The following DOCK4 variants were observed in gnomAD, a reference collection of about 807,000 sequenced individuals.
DOCK4 encodes the protein dedicator of cytokinesis 4.
In DOCK4, 97 loss-of-function variants were observed where a neutral mutation model predicts 268.1. That is an observed-to-expected ratio of 0.36 (90% confidence interval 0.31 to 0.43). DOCK4 has a LOEUF of 0.43. DOCK4 is among the 20% of genes least tolerant of loss of function. DOCK4 has a pLI of 1.00. For missense variants in DOCK4, 2,145 were observed against 2,455.7 expected (o/e 0.87, Z 2.67); for synonymous variants, 954 against 887.2 (o/e 1.08, Z -1.34).
intron 1 of DOCK4, among the ~76,000 whole-genome samples, chr7:112,142,852 G>C (rs940253919): frequency 1.3e-5 from 2 of 151,934 alleles, no homozygotes; most frequent in African/African-American, 4.8e-5. Context: ...TCTGCAACTT[G>C]CTTGTTTCCT....
intron 49 of DOCK4, among the ~76,000 whole-genome samples, chr7:111,737,825 G>A (rs1795609436): frequency 6.6e-6 from 1 of 152,146 alleles, no homozygotes; most frequent in South Asian, 2.1e-4. Flanking sequence ...AGAACAAACT[G>A]AGAAATTCCC....
intron 1 of DOCK4, among the ~76,000 whole-genome samples, chr7:112,043,524 T>A (rs535844697): frequency 6.6e-5 from 10 of 152,002 alleles, no homozygotes; most frequent in African/African-American, 2.4e-4. Context: ...CATAAAGCTA[T>A]TAATGGAGAG....
intron 1 of DOCK4, among the ~76,000 whole-genome samples, chr7:112,080,663 T>C (rs1378342802): frequency 6.6e-6 from 1 of 152,196 alleles, no homozygotes; most frequent in Non-Finnish European, 1.5e-5. Context: ...AGACAGACCT[T>C]ATGGTAGACT....
intron 1 of DOCK4, among the ~76,000 whole-genome samples, chr7:112,186,727 G>A (rs138810328): frequency 1.3e-4 from 20 of 152,088 alleles, no homozygotes; most frequent in African/African-American, 4.6e-4. Context: ...CACCCACAGA[G>A]AAACCACTGC....
intron 23 of DOCK4, among the ~76,000 whole-genome samples, chr7:111,860,720 A>T (rs1478093827): frequency 6.6e-6 from 1 of 152,100 alleles, no homozygotes; most frequent in African/African-American, 2.4e-5. Context: ...GGGTCTCATG[A>T]GTCCTTCCAT....
chr7:111,921,650 A>AC (rs1029754923), intron 12 of DOCK4, among the ~76,000 whole-genome samples: 5 of 152,122 alleles, frequency 3.3e-5, no homozygotes, highest in Non-Finnish European at 7.4e-5. Context: ...CTCAATGTTA[A>AC]CCTCTCTGTG....
chr7:111,825,463 A>G (rs985992033), intron 26 of DOCK4, among the ~76,000 whole-genome samples: 1 of 151,646 alleles, frequency 6.6e-6, no homozygotes, highest in African/African-American at 2.4e-5. Flanking sequence ...TTCACTAAAT[A>G]TGTGTTTTTG....
intron 6 of DOCK4, among the ~76,000 whole-genome samples, 182 bp downstream of exon 6, chr7:111,988,833 C>T (rs1323021270): frequency 6.6e-6 from 1 of 152,134 alleles, no homozygotes; most frequent in Non-Finnish European, 1.5e-5. Context: ...GTGCCTACAC[C>T]AGCTTGAGAA....
At chr7:111,893,949 C>A (rs916734198) in intron 16 of DOCK4, among the ~76,000 whole-genome samples, 1 of 151,826 alleles carries the variant, frequency 6.6e-6, no homozygotes, top group Non-Finnish European at 1.5e-5. Context: ...GTGGGCTGGG[C>A]GCAGTGGCCC....
chr7:111,797,461 C>T (rs1034420052), intron 30 of DOCK4, among the ~76,000 whole-genome samples: 7 of 152,212 alleles, frequency 4.6e-5, no homozygotes, highest in African/African-American at 7.2e-5. Flanking sequence ...GGATGTTATA[C>T]TGCTCCTAAA....
intron 12 of DOCK4, among the ~76,000 whole-genome samples, chr7:111,921,110 T>C (rs1793101782): frequency 6.6e-6 from 1 of 152,166 alleles, no homozygotes; most frequent in African/African-American, 2.4e-5. Context: ...GAAATTGCTG[T>C]GGGAGAAATG....
intron 45 of DOCK4, 50 bp from the exon 46 acceptor site, chr7:111,741,711 A>T: frequency 1.3e-6 from 2 of 1,593,930 alleles, no homozygotes; most frequent in Non-Finnish European, 1.7e-6. Context: ...ATTTGGGCAA[A>T]ATAACTTATG....
intron 1 of DOCK4, among the ~76,000 whole-genome samples, chr7:112,018,143 CAAAAAAAAAAAAAAAAA>C (rs140883588): frequency 7.3e-4 from 15 of 20,630 alleles, no homozygotes; most frequent in East Asian, 0.01. Flanking sequence ...GACTCCAGCT[CAAAAAAAAAAAAAAAAA>C]AAAAAAAAAA....
At position 111,872,037 on chromosome 7, in the gene DOCK4, T is replaced by C. The variant is rs1320332143; in HGVS notation, c.1980A>G (p.Val660=). 9 of 1,559,180 alleles carry C rather than the reference T, an allele frequency of 5.8e-6. No individual in the cohort carries two copies. The highest frequency in any genetic ancestry group is 7.8e-6 in the Non-Finnish European group (9 of 1,150,554). The change falls in exon 20 of 53, where the codon GTA becomes GTG. Residue 660 remains valine (V), a synonymous_variant. Transcript: ENST00000428084. ...AATGACTCTCAATGTAAGTGTCCAT[T>C]ACAGGTTTAAAATGATGAAATTTGC... ...QDSKFHHFKP[V]MDTYIESHFA...
At chr7:111,935,888 A>G (rs1285681051) in intron 11 of DOCK4, among the ~76,000 whole-genome samples, 1 of 152,148 alleles carries the variant, frequency 6.6e-6, no homozygotes, top group Non-Finnish European at 1.5e-5. Context: ...TGGCCCCAAA[A>G]CAGACAGAAA....
chr7:111,976,808 TC>T (rs1318554677), intron 8 of DOCK4: 1 of 183,836 alleles, frequency 5.4e-6, no homozygotes, highest in African/African-American at 2.3e-5. Context: ...AGCAAACTTC[TC>T]CAGAGAATCT....
intron 1 of DOCK4, among the ~76,000 whole-genome samples, chr7:112,114,232 T>C (rs1305075457): frequency 6.6e-6 from 1 of 152,140 alleles, no homozygotes; most frequent in Non-Finnish European, 1.5e-5. Flanking sequence ...CCACTAATAC[T>C]GGAAAATGTT....
chr7:111,789,039 T>C (rs1233099959), intron 31 of DOCK4: 3 of 419,918 alleles, frequency 7.1e-6, no homozygotes, highest in Non-Finnish European at 1.3e-5. Flanking sequence ...GTTTGAATTC[T>C]TTTTTAGGAG....
At chr7:111,933,296 A>ATTTT (rs1243755248) in intron 12 of DOCK4, among the ~76,000 whole-genome samples, 10 of 108,404 alleles carry the variant, frequency 9.2e-5, no homozygotes, top group South Asian at 2.7e-4. Context: ...ATATATATAT[A>ATTTT]TATTTTTTTT....
Sources: allele counts gnomAD v4.1 joint callset (sites outside exome capture counted in the v4.1 genomes callset), GRCh38; gene constraint gnomAD v4.1.1; transcripts MANE v1.5; gene names NCBI Gene and HGNC (gene_info 2026-07-23, HGNC 2026-07-21).